Variants in MAN1C1 observed in about 807,000 individuals in gnomAD.
The protein encoded by MAN1C1 is mannosidase alpha class 1C member 1, also known as mannosyl-oligosaccharide 1,2-alpha-mannosidase IC.
In MAN1C1, 49 loss-of-function variants were observed where a neutral mutation model predicts 71.5. The observed-to-expected ratio is 0.69, with a 90% confidence interval of 0.54 to 0.87. MAN1C1 has a LOEUF of 0.87. Ranked by LOEUF, MAN1C1 falls within the 40% of genes least tolerant of loss-of-function variation. MAN1C1 has a pLI of 0.00. For synonymous variants in MAN1C1, 352 were observed against 343.7 expected (o/e 1.02, Z -0.27); for missense variants, 743 against 835.0 (o/e 0.89, Z 1.36).
chr1:25,768,300 CAT>C (rs1397161986), intron 7 of MAN1C1, among the ~76,000 whole-genome samples: 108 of 75,962 alleles, frequency 1.4e-3, no homozygotes, highest in South Asian at 2.2e-3. Context: ...CACACACACG[CAT>C]TACACACTCC....
At chr1:25,700,116 C>T (rs1362881518) in intron 2 of MAN1C1, among the ~76,000 whole-genome samples, 11 of 152,362 alleles carry the variant, frequency 7.2e-5, no homozygotes, top group East Asian at 5.8e-4. Flanking sequence ...TGGAAATCCA[C>T]TGCCCTTGTT....
intron 1 of MAN1C1, among the ~76,000 whole-genome samples, chr1:25,630,651 T>G (rs2045365517): frequency 6.6e-6 from 1 of 152,184 alleles, no homozygotes; most frequent in South Asian, 2.1e-4. Context: ...GTTTTTTATT[T>G]TATTTTATTT....
At chr1:25,649,794 T>C (rs12410889) in intron 1 of MAN1C1, among the ~76,000 whole-genome samples, 1 of 152,090 alleles carries the variant, frequency 6.6e-6, no homozygotes, top group Non-Finnish European at 1.5e-5. Context: ...TGTGCCACCA[T>C]GCCTGGCTAA....
chr1:25,682,930 C>T (rs1173519117), intron 1 of MAN1C1, among the ~76,000 whole-genome samples: 2 of 151,282 alleles, frequency 1.3e-5, no homozygotes, highest in African/African-American at 2.4e-5. Context: ...CCCGGCTACT[C>T]GGGAGGCTGA....
At position 25,718,841 on chromosome 1, in the gene MAN1C1, T is replaced by C. The variant is rs145168904; in HGVS notation, c.638-27827T>C. Among the ~76,000 whole-genome samples the C allele has an allele frequency of 1.9e-3, 283 of 152,288 alleles. 3 individuals are homozygous for C. Among genetic ancestry groups the C allele is most frequent in the African/African-American group, 6.4e-3 (267 of 41,576 alleles). On this transcript the variant is annotated intron_variant, in intron 2 of 11. Coordinates refer to ENST00000374332, the MANE Select transcript of MAN1C1 (RefSeq NM_020379.4). ...TATTCATTTATCAGTTGATGGACAT[T>C]TGGGTTGTTTCCACTTTTTGGCTAC...
chr1:25,689,529 C>T (rs950069161), intron 2 of MAN1C1, among the ~76,000 whole-genome samples: 2 of 152,140 alleles, frequency 1.3e-5, no homozygotes, highest in African/African-American at 4.8e-5. Context: ...CTTATGGGTA[C>T]ACACCCAAAG....
rs1419176917 is a variant in MAN1C1 at position 25,763,959 on chromosome 1, G to C, written c.1133G>C (p.Trp378Ser). The part of the protein sequence containing the change: ...PNFLSPVSGN[W>S]VQHHVSVGGL... Reference sequence around the variant, plus strand: ...TTCCTCAGCCCAGTGAGTGGGAACTGGGTGCAACGTGAGTACAGAGACGCC... The same window carrying C: ...TTCCTCAGCCCAGTGAGTGGGAACTCGGTGCAACGTGAGTACAGAGACGCC... Residue 378 changes from tryptophan (W) to serine (S), a missense_variant, in exon 7 of 12, where the codon TGG becomes TCG. Transcript: ENST00000374332. 1 of 1,613,650 alleles carries C rather than the reference G, an allele frequency of 6.2e-7. No homozygotes were observed. The highest frequency in any genetic ancestry group is 1.7e-5 in the Admixed American group (1 of 60,032).
Position 25,778,395 on chromosome 1 carries a change from C to A in MAN1C1, c.1477+71C>A. On this transcript the variant is annotated intron_variant, in intron 9 of 11. Coordinates refer to ENST00000374332, the MANE Select transcript of MAN1C1 (RefSeq NM_020379.4). The surrounding 1 kb of genome is among the most constrained non-coding windows in gnomAD (Gnocchi z 5.5). ...CACCAGGAAGAACTGGAAAGACCGG[C>A]AGCAGTGAGCGAAGGGAGCACATGG... 2 of 1,461,198 alleles carry A rather than the reference C, an allele frequency of 1.4e-6. No individual in the cohort carries two copies. The highest frequency in any genetic ancestry group is 1.9e-6 in the Non-Finnish European group (2 of 1,080,906). 90.5% of individuals were successfully genotyped at this position (1,461,198 alleles called of 1,614,324 possible). A position where few individuals can be genotyped will look rare whatever the true frequency, so the allele number is the denominator to read the frequency against.
At chr1:25,676,031 A>G (rs1306155837) in intron 1 of MAN1C1, among the ~76,000 whole-genome samples, 1 of 152,092 alleles carries the variant, frequency 6.6e-6, no homozygotes, top group East Asian at 1.9e-4. Context: ...GAACTGAGGT[A>G]CTCTGTTTCT....
At chr1:25,747,718 G>A (rs2047150079) in intron 3 of MAN1C1, among the ~76,000 whole-genome samples, 1 of 152,184 alleles carries the variant, frequency 6.6e-6, no homozygotes, top group Non-Finnish European at 1.5e-5. Context: ...TGGAGACAGA[G>A]ACCTCTGGAG....
chr1:25,766,721 C>A (rs1283308175), intron 7 of MAN1C1, among the ~76,000 whole-genome samples: 1 of 152,120 alleles, frequency 6.6e-6, no homozygotes, highest in Non-Finnish European at 1.5e-5. Flanking sequence ...GGCCAACCCC[C>A]TGAGAGCTGC....
At position 25,737,552 on chromosome 1, in the gene MAN1C1, C is replaced by T. The variant is rs538664748; in HGVS notation, c.638-9116C>T. Among the ~76,000 whole-genome samples the T allele has an allele frequency of 2.6e-5, 4 of 152,306 alleles. No individual in the cohort carries two copies. The South Asian group carries it at 8.3e-4, about 32-fold the overall frequency. On this transcript the variant is annotated intron_variant, in intron 2 of 11. Coordinates refer to ENST00000374332, the MANE Select transcript of MAN1C1 (RefSeq NM_020379.4). The stretch of plus-strand genomic sequence containing the variant: ...TTCATTCATTCATTCAACAACCACT[C>T]GTTTCTGCCTTCTCTGTGCCCAGCC...
intron 2 of MAN1C1, among the ~76,000 whole-genome samples, chr1:25,694,285 G>A (rs1365684629): frequency 6.6e-6 from 1 of 152,176 alleles, no homozygotes; most frequent in African/African-American, 2.4e-5. Flanking sequence ...CAGATCTGAT[G>A]TTCAGGCCTC....
chr1:25,764,829 CA>C lies in MAN1C1; in HGVS notation c.1141+863del, dbSNP rs1429405477. 6.6e-6 allele frequency among the ~76,000 whole-genome samples: 1 copy of C among 152,082 alleles called. No homozygotes were observed. Among genetic ancestry groups the C allele is most frequent in the African/African-American group, 2.4e-5 (1 of 41,434 alleles). On this transcript the variant is annotated intron_variant, in intron 7 of 11. Transcript: ENST00000374332. This position sits in a 1 kb window ranked among gnomAD's most constrained non-coding sequence, Gnocchi z 4.4. ...TGACGGGAGGCCGAGGCAGGCGGATCACGAGGTCAGGAGTTCTAGACCAGCC... is the reference window on the plus strand; with the variant it reads ...TGACGGGAGGCCGAGGCAGGCGGATCCGAGGTCAGGAGTTCTAGACCAGCC...
At chr1:25,708,956 A>G (rs577823157) in intron 2 of MAN1C1, among the ~76,000 whole-genome samples, 4 of 152,006 alleles carry the variant, frequency 2.6e-5, no homozygotes, top group Non-Finnish European at 4.4e-5. Context: ...TTCCACTCCA[A>G]CTGGGGTCTT....
At chr1:25,692,801 A>T (rs1048637077) in intron 2 of MAN1C1, among the ~76,000 whole-genome samples, 2 of 152,142 alleles carry the variant, frequency 1.3e-5, no homozygotes, top group African/African-American at 2.4e-5. Context: ...AAGGCCAGGG[A>T]AGGCATGTGA....
chr1:25,703,316 T>C (rs953256037), intron 2 of MAN1C1, among the ~76,000 whole-genome samples: 1 of 152,194 alleles, frequency 6.6e-6, no homozygotes, highest in Non-Finnish European at 1.5e-5. Flanking sequence ...CAGTGGTGGC[T>C]GGAGAACAGC....
chr1:25,655,177 C>A (rs1020172405), intron 1 of MAN1C1, among the ~76,000 whole-genome samples: 4 of 152,144 alleles, frequency 2.6e-5, no homozygotes, highest in African/African-American at 9.7e-5. Flanking sequence ...ATTTATTTAC[C>A]GTGTGATCTT....
At chr1:25,732,626 G>A (rs1028770919) in intron 2 of MAN1C1, among the ~76,000 whole-genome samples, 9 of 152,194 alleles carry the variant, frequency 5.9e-5, no homozygotes, top group Non-Finnish European at 7.4e-5. Flanking sequence ...TGGAGGTCTT[G>A]CTCCCACTGT....
Sources: gnomAD v4.1 joint callset for allele counts (sites outside exome capture counted in the v4.1 genomes callset) on GRCh38, gnomAD v4.1.1 for gene constraint, Gnocchi (gnomAD v3.1) non-coding constraint, MANE v1.5 for transcripts, NCBI Gene and HGNC (gene_info 2026-07-23, HGNC 2026-07-21) for gene names.